The following SPATA13 variants were observed in gnomAD, a reference collection of about 807,000 sequenced individuals.
SPATA13 encodes spermatogenesis-associated protein 13.
In SPATA13, 50 loss-of-function variants were observed where a neutral mutation model predicts 104.0. That is an observed-to-expected ratio of 0.48 (90% CI 0.38 to 0.61). SPATA13 has a LOEUF of 0.61. Among genes scored for constraint, SPATA13 ranks in the 20% least tolerant of loss-of-function variants. SPATA13 has a pLI of 0.00. For missense variants in SPATA13, 1,524 were observed against 1,690.6 expected (o/e 0.90, Z 1.73); for synonymous variants, 606 against 667.5 (o/e 0.91, Z 1.42).
intron 3 of SPATA13, among the ~76,000 whole-genome samples, chr13:24,024,099 C>T (rs2147992): frequency 2.0e-5 from 3 of 151,890 alleles, no homozygotes; most frequent in Non-Finnish European, 2.9e-5. Context: ...TCATGTGCTG[C>T]GGAGGTCAGT....
At chr13:24,245,150 G>A (rs916094081) in intron 2 of SPATA13, among the ~76,000 whole-genome samples, 9 of 152,194 alleles carry the variant, frequency 5.9e-5, no homozygotes, top group African/African-American at 2.2e-4. Flanking sequence ...GCCGGAGTCT[G>A]AGTTAGGCTC....
In SPATA13 at chr13:24,138,841, C is replaced by G. The variant is rs1295931629; in HGVS notation, c.-111-83978C>G. On this transcript the variant is annotated intron_variant, in intron 3 of 14. Coordinates refer to the SPATA13 transcript ENST00000424834. ...TGCTGGGTTCAAGTAATCCTCCTGC[C>G]TTGGCCTCCCAAAGTGCTGGGAACA... Among the ~76,000 whole-genome samples, 3 of 150,848 alleles carry G rather than the reference C, an allele frequency of 2.0e-5. No homozygotes were observed. The East Asian group carries it at 5.8e-4, about 29-fold the overall frequency.
chr13:24,134,391 C>G (rs1184878840), intron 3 of SPATA13, among the ~76,000 whole-genome samples: 1 of 152,146 alleles, frequency 6.6e-6, no homozygotes. Flanking sequence ...CGAACAAGCC[C>G]CCGGCTGACT....
intron 3 of SPATA13, among the ~76,000 whole-genome samples, chr13:24,152,255 G>A (rs967466832): frequency 2.6e-5 from 4 of 152,212 alleles, no homozygotes; most frequent in African/African-American, 9.6e-5. Context: ...TGTGGGAGGG[G>A]CACGGGGACT....
At chr13:24,299,248 C>G (rs1375222143) in intron 11 of SPATA13, among the ~76,000 whole-genome samples, 2 of 152,148 alleles carry the variant, frequency 1.3e-5, no homozygotes, top group Admixed American at 1.3e-4. Context: ...TCAACAGTGT[C>G]TCTCAATAGG....
intron 3 of SPATA13, among the ~76,000 whole-genome samples, chr13:24,096,150 T>C (rs1214288988): frequency 3.3e-5 from 5 of 152,290 alleles, no homozygotes; most frequent in African/African-American, 1.2e-4. Context: ...ACCACCTGCC[T>C]GGTGCCTGAC....
chr13:24,135,156 A>T (rs192664770), intron 3 of SPATA13, among the ~76,000 whole-genome samples: 3 of 152,188 alleles, frequency 2.0e-5, no homozygotes, highest in Non-Finnish European at 4.4e-5. Flanking sequence ...TCTATTGTAT[A>T]AGCCACCTAG....
At chr13:24,092,036 G>A (rs1227642110) in intron 3 of SPATA13, among the ~76,000 whole-genome samples, 2 of 152,160 alleles carry the variant, frequency 1.3e-5, no homozygotes, top group Admixed American at 6.5e-5. Context: ...CATAGTCTTT[G>A]ACTAAACACT....
chr13:24,108,171 T>C (rs969146390), intron 3 of SPATA13, among the ~76,000 whole-genome samples: 2 of 152,204 alleles, frequency 1.3e-5, no homozygotes, highest in African/African-American at 4.8e-5. Flanking sequence ...CAAGCCCTTT[T>C]ATAGGGTTAC....
chr13:24,188,062 C>T (rs1342542595), intron 1 of SPATA13, among the ~76,000 whole-genome samples: 1 of 152,094 alleles, frequency 6.6e-6, no homozygotes, highest in African/African-American at 2.4e-5. Context: ...TACTCCAGGC[C>T]AGGCGTGGTG....
At chr13:24,270,232 C>T (rs1381133353) in intron 4 of SPATA13, among the ~76,000 whole-genome samples, 1 of 152,066 alleles carries the variant, frequency 6.6e-6, no homozygotes, top group Non-Finnish European at 1.5e-5. Context: ...ATAAAAACAA[C>T]CCAGAATATA....
At chr13:24,263,865 G>T (rs1350870848) in intron 4 of SPATA13, among the ~76,000 whole-genome samples, 5 of 152,220 alleles carry the variant, frequency 3.3e-5, no homozygotes, top group Non-Finnish European at 5.9e-5. Flanking sequence ...GACTGCCTAT[G>T]GTAAAATCCC....
intron 3 of SPATA13, among the ~76,000 whole-genome samples, chr13:24,153,797 A>T (rs1882175973): frequency 6.6e-6 from 1 of 152,228 alleles, no homozygotes; most frequent in Non-Finnish European, 1.5e-5. Context: ...ATTACTGGGA[A>T]GTGGGCTGGT....
At chr13:24,169,043 C>T (rs1440923512) in intron 1 of SPATA13, among the ~76,000 whole-genome samples, 2 of 152,200 alleles carry the variant, frequency 1.3e-5, no homozygotes, top group East Asian at 3.8e-4. Context: ...CTAAAATCCC[C>T]AGAGTGGCCT....
At chr13:24,144,483 T>C (rs1165860095) in intron 3 of SPATA13, among the ~76,000 whole-genome samples, 2 of 152,116 alleles carry the variant, frequency 1.3e-5, no homozygotes, top group African/African-American at 4.8e-5. Context: ...TTAAGAAGCG[T>C]TGGAGGATGG....
chr13:24,123,162 A>T, intron 3 of SPATA13: 2 of 1,164,610 alleles, frequency 1.7e-6, no homozygotes, highest in Non-Finnish European at 2.6e-6. Flanking sequence ...AATATGAAGA[A>T]GAGCCTGCAT....
At chr13:24,000,681 A>G (rs1207179837) in intron 2 of SPATA13, among the ~76,000 whole-genome samples, 1 of 152,050 alleles carries the variant, frequency 6.6e-6, no homozygotes, top group Non-Finnish European at 1.5e-5. Context: ...CTTGTGTTCA[A>G]GAAAGGGAAT....
At chr13:24,201,208 CT>C (rs1299896502) in intron 1 of SPATA13, among the ~76,000 whole-genome samples, 3 of 152,250 alleles carry the variant, frequency 2.0e-5, no homozygotes, top group East Asian at 3.9e-4. Context: ...CTGTGACCCC[CT>C]GTCATGTGTA....
At chr13:24,086,092 C>T (rs1193186415) in intron 3 of SPATA13, among the ~76,000 whole-genome samples, 5 of 152,060 alleles carry the variant, frequency 3.3e-5, no homozygotes, top group African/African-American at 9.7e-5. Flanking sequence ...GCTGGAGAAA[C>T]GGTCAAATGG....
Sources: gnomAD v4.1 joint callset for allele counts (sites outside exome capture counted in the v4.1 genomes callset) on GRCh38, gnomAD v4.1.1 for gene constraint, MANE v1.5 for transcripts, NCBI Gene and HGNC (gene_info 2026-07-23, HGNC 2026-07-21) for gene names.